Variants in PLCL1 observed in about 807,000 individuals in gnomAD.
PLCL1 encodes inactive phospholipase C-like protein 1.
A neutral mutation model predicts 84.4 loss-of-function variants in PLCL1; 41 were observed. The ratio of observed to expected loss-of-function variants is 0.49; its 90% CI spans 0.38 to 0.63. The LOEUF (loss-of-function observed/expected upper bound fraction) is 0.63, where lower values mean the gene tolerates loss of function less well. Ranked by LOEUF, PLCL1 falls within the 30% of genes least tolerant of loss-of-function variation. The probability of loss-of-function intolerance (pLI) is 0.00; values close to 1 mark genes in which losing one functional copy is unlikely to be tolerated. For missense variants in PLCL1, 1,206 were observed against 1,367.8 expected (o/e 0.88, Z 1.87); for synonymous variants, 490 against 488.3 (o/e 1.00, Z -0.05).
rs1694532279 is a variant in PLCL1 at position 198,146,882 on chromosome 2, A to G, written c.3208A>G (p.Ser1070Gly). 3 of 1,613,662 alleles carry G rather than the reference A, an allele frequency of 1.9e-6. No individual in the cohort carries two copies. Among genetic ancestry groups the G allele is most frequent in the Middle Eastern group, 3.3e-4 (2 of 6,046 alleles). Residue 1070 changes from serine to glycine, a missense_variant, in exon 6 of 6, where the codon AGC becomes GGC. By Grantham distance (56) the Ser-to-Gly change is moderately conservative. Coordinates refer to ENST00000428675, the MANE Select transcript of PLCL1 (RefSeq NM_006226.4). ...LSCGLSKAPSSSAEAKSKRSL... is the reference protein window; with the variant it reads ...LSCGLSKAPSGSAEAKSKRSL... ...CTGTGGACTGAGTAAAGCCCCCAGC[A>G]GCAGTGCTGAGGCCAAGAGCAAGCG...
chr2:198,073,058 C>T (rs1692500592), intron 1 of PLCL1, among the ~76,000 whole-genome samples: 1 of 152,062 alleles, frequency 6.6e-6, no homozygotes, highest in Non-Finnish European at 1.5e-5. Flanking sequence ...TGCAAAAAGT[C>T]ATGCAAGTAG....
chr2:198,050,956 C>A (rs1307213509), intron 1 of PLCL1, among the ~76,000 whole-genome samples: 2 of 152,206 alleles, frequency 1.3e-5, no homozygotes, highest in Non-Finnish European at 2.9e-5. Flanking sequence ...GGTCATATTT[C>A]AAAGTGCTAT....
intron 1 of PLCL1, among the ~76,000 whole-genome samples, chr2:197,881,086 G>C (rs1687819527): frequency 6.6e-6 from 1 of 152,172 alleles, no homozygotes; most frequent in South Asian, 2.1e-4. Flanking sequence ...TGAGCTCCCT[G>C]AGGGCAGGCA....
At chr2:197,976,285 C>A (rs1026878136) in intron 1 of PLCL1, among the ~76,000 whole-genome samples, 2 of 152,142 alleles carry the variant, frequency 1.3e-5, no homozygotes, top group African/African-American at 4.8e-5. Context: ...TCAACTCACA[C>A]CTTCTGCTCA....
At chr2:197,975,171 A>AT (rs1689950122) in intron 1 of PLCL1, among the ~76,000 whole-genome samples, 1 of 151,416 alleles carries the variant, frequency 6.6e-6, no homozygotes, top group South Asian at 2.1e-4. Flanking sequence ...AAAAAAAAAA[A>AT]AAAGAGTGAT....
intron 1 of PLCL1, among the ~76,000 whole-genome samples, chr2:198,041,368 A>G (rs1398083498): frequency 6.7e-6 from 1 of 149,300 alleles, no homozygotes; most frequent in African/African-American, 2.5e-5. Context: ...TAAGTAGACA[A>G]TGTTCTGTTT....
intron 1 of PLCL1, among the ~76,000 whole-genome samples, chr2:197,862,664 C>T (rs1419893959): frequency 1.3e-5 from 2 of 151,988 alleles, no homozygotes; most frequent in East Asian, 1.9e-4. Flanking sequence ...AGTTTAAATC[C>T]CTGTATTCTT....
chr2:198,004,698 A>G (rs925187269), intron 1 of PLCL1, among the ~76,000 whole-genome samples: 12 of 152,260 alleles, frequency 7.9e-5, no homozygotes, highest in Admixed American at 7.8e-4. Flanking sequence ...TACTGGAAAG[A>G]ATAGACTTAA....
At chr2:198,058,871 A>G (rs1692125518) in intron 1 of PLCL1, among the ~76,000 whole-genome samples, 1 of 152,206 alleles carries the variant, frequency 6.6e-6, no homozygotes, top group Admixed American at 6.5e-5. Context: ...AATTATGCAC[A>G]TTAAATACTC....
At chr2:197,963,410 T>G (rs746052588) in intron 1 of PLCL1, among the ~76,000 whole-genome samples, 13 of 152,158 alleles carry the variant, frequency 8.5e-5, no homozygotes, top group African/African-American at 2.9e-4. Flanking sequence ...ATTCAGATCT[T>G]TTGCCCATTT....
intron 1 of PLCL1, among the ~76,000 whole-genome samples, chr2:198,079,930 T>C (rs4549082): frequency 0.51 from 77,131 of 151,642 alleles, 20,261 homozygotes; most frequent in Middle Eastern, 0.64. Flanking sequence ...TTAATAAATT[T>C]AAAGCGTTTG....
chr2:197,893,524 T>A lies in PLCL1; in HGVS notation c.240+88185T>A, dbSNP rs112373383. The stretch of plus-strand genomic sequence containing the variant: ...GTCCTTCATTTGACCCTCAGAACAG[T>A]CATGTGAAATAGGCAGCACAGGCAT... On this transcript the variant is annotated intron_variant, in intron 1 of 5. Transcript: ENST00000428675. Among the ~76,000 whole-genome samples the A allele has an allele frequency of 1.8e-4, 27 of 152,206 alleles. 3 individuals are homozygous for A. The highest frequency in any genetic ancestry group is 6.0e-4 in the African/African-American group (25 of 41,530).
chr2:197,989,228 C>A (rs1016610570), intron 1 of PLCL1, among the ~76,000 whole-genome samples: 6 of 152,132 alleles, frequency 3.9e-5, no homozygotes, highest in African/African-American at 1.4e-4. Context: ...AGGTGTAGGG[C>A]ACCATACTGA....
chr2:197,909,440 C>G (rs1688443303), intron 1 of PLCL1, among the ~76,000 whole-genome samples: 1 of 152,062 alleles, frequency 6.6e-6, no homozygotes, highest in South Asian at 2.1e-4. Flanking sequence ...CTGAGAACCT[C>G]CCCTAGGTGT....
intron 1 of PLCL1, among the ~76,000 whole-genome samples, chr2:197,876,483 A>T (rs1687733936): frequency 6.6e-6 from 1 of 152,158 alleles, no homozygotes; most frequent in Non-Finnish European, 1.5e-5. Flanking sequence ...TTGTATTCTT[A>T]GAGAACATTT....
intron 1 of PLCL1, among the ~76,000 whole-genome samples, chr2:198,042,815 A>G (rs1318337789): frequency 6.6e-6 from 1 of 152,198 alleles, no homozygotes; most frequent in East Asian, 1.9e-4. Context: ...GCAATAAATG[A>G]TGCCACCAGT....
At position 198,086,239 on chromosome 2, in the gene PLCL1, GA is replaced by G; in HGVS notation, c.2715+10del. The G allele has an allele frequency of 6.4e-7, 1 of 1,560,090 alleles. No homozygotes were observed. Among genetic ancestry groups the G allele is most frequent in the Non-Finnish European group, 8.8e-7 (1 of 1,139,868 alleles). ...TATGAGAGAAAATATGCAGGTAGGA[GA>G]AACACTCACACTCTCCTTCCCTATC... On this transcript the variant is annotated splice_region_variant and intron_variant, in intron 2 of 5. Transcript: ENST00000428675.
intron 1 of PLCL1, among the ~76,000 whole-genome samples, chr2:198,062,713 G>A (rs1332182846): frequency 6.6e-6 from 1 of 152,012 alleles, no homozygotes; most frequent in Non-Finnish European, 1.5e-5. Context: ...AGAATCACTT[G>A]GGGGTGAGCC....
intron 1 of PLCL1, among the ~76,000 whole-genome samples, chr2:197,855,317 A>G (rs1200266654): frequency 6.6e-6 from 1 of 151,858 alleles, no homozygotes; most frequent in Non-Finnish European, 1.5e-5. Flanking sequence ...TTTTTTTCAG[A>G]GCTGAAGCCG....
Sources: allele counts gnomAD v4.1 joint callset (sites outside exome capture counted in the v4.1 genomes callset), GRCh38; gene constraint gnomAD v4.1.1; transcripts MANE v1.5; gene names NCBI Gene and HGNC (gene_info 2026-07-23, HGNC 2026-07-21).